Variants in MED13L observed in about 807,000 individuals in gnomAD.
MED13L encodes mediator of RNA polymerase II transcription subunit 13-like.
A neutral mutation model predicts 220.9 loss-of-function variants in MED13L; 7 were observed. That is an observed-to-expected ratio of 0.03 (90% confidence interval 0.02 to 0.06). MED13L has a LOEUF of 0.06. MED13L is among the 10% of genes least tolerant of loss of function. The pLI is 1.00. For missense variants in MED13L, 1,965 were observed against 2,760.5 expected, an observed-to-expected ratio of 0.71 and a Z score of 6.46; for synonymous variants, 1,011 against 1,015.2, an observed-to-expected ratio of 1.00 and a Z score of 0.08.
rs149985837 is a variant in MED13L at position 116,178,285 on chromosome 12, A to G, written c.310+59183T>C. The stretch of plus-strand genomic sequence containing the variant: ...TCTGATACTCAACCAAAGACTGGTA[A>G]AAGTATTTTTTATATTGAAAATTTG... On this transcript the variant is annotated intron_variant, in intron 2 of 30. Coordinates refer to ENST00000281928, the MANE Select transcript of MED13L (RefSeq NM_015335.5). Among the ~76,000 whole-genome samples the G allele has an allele frequency of 1.6e-3, 246 of 152,302 alleles. 2 individuals carry two copies. The highest frequency in any genetic ancestry group is 5.7e-3 in the African/African-American group (236 of 41,556).
At chr12:116,256,688 T>TC (rs1872085266) in intron 1 of MED13L, among the ~76,000 whole-genome samples, 1 of 144,212 alleles carries the variant, frequency 6.9e-6, no homozygotes, top group East Asian at 2.0e-4. Flanking sequence ...ACTACTTTTT[T>TC]TTTTTTTTTT....
intron 28 of MED13L, 57 bp downstream of exon 28, chr12:115,968,883 G>T: frequency 6.3e-7 from 1 of 1,593,936 alleles, no homozygotes; most frequent in Non-Finnish European, 8.6e-7. Context: ...ATGTCCAGTG[G>T]ATTATCTTCC....
At chr12:116,202,561 A>G (rs1169574529) in intron 2 of MED13L, among the ~76,000 whole-genome samples, 1 of 152,196 alleles carries the variant, frequency 6.6e-6, no homozygotes, top group African/African-American at 2.4e-5. Flanking sequence ...GAAAAAGCAC[A>G]GCCTTATTAG....
intron 4 of MED13L, among the ~76,000 whole-genome samples, chr12:116,078,158 A>G (rs1391261000): frequency 6.6e-6 from 1 of 151,658 alleles, no homozygotes; most frequent in African/African-American, 2.4e-5. Flanking sequence ...AAAAAAAAAA[A>G]AAGGAAGGAA....
At chr12:115,982,715 A>G in intron 21 of MED13L, 112 bp from the exon 22 acceptor site, 2 of 995,754 alleles carry the variant, frequency 2.0e-6, no homozygotes, top group Non-Finnish European at 3.1e-6. Flanking sequence ...ATGTTTACAG[A>G]TTAAAGGTAA....
rs79103157 is a variant in MED13L at position 116,214,891 on chromosome 12, G to A, written c.310+22577C>T. Reference sequence around the variant, plus strand: ...TGCCTCACAGACATGCACTTTCATTGGACTGATAAATTCAGGCCACCCTAT... The same window carrying A: ...TGCCTCACAGACATGCACTTTCATTAGACTGATAAATTCAGGCCACCCTAT... On this transcript the variant is annotated intron_variant, in intron 2 of 30. Coordinates refer to ENST00000281928, the MANE Select transcript of MED13L (RefSeq NM_015335.5). Among the ~76,000 whole-genome samples, 25 of 152,126 alleles carry A rather than the reference G, an allele frequency of 1.6e-4. No individual in the cohort carries two copies. The East Asian group carries it at 4.8e-3, about 29-fold the overall frequency.
At chr12:116,165,886 ATCACATGCTCTCAGGTAT>A (rs1435645817) in intron 2 of MED13L, among the ~76,000 whole-genome samples, 1 of 152,114 alleles carries the variant, frequency 6.6e-6, no homozygotes, top group African/African-American at 2.4e-5. Flanking sequence ...GCCTCATCTG[ATCACATGCTCTCAGGTAT>A]TCTCTCCACT....
At chr12:116,236,654 A>C (rs1218002023) in intron 2 of MED13L, among the ~76,000 whole-genome samples, 1 of 152,222 alleles carries the variant, frequency 6.6e-6, no homozygotes, top group Non-Finnish European at 1.5e-5. Flanking sequence ...ACCCTAACTA[A>C]AGATTAGAAT....
intron 2 of MED13L, among the ~76,000 whole-genome samples, chr12:116,197,815 G>A (rs1003710830): frequency 6.6e-6 from 1 of 151,270 alleles, no homozygotes; most frequent in Non-Finnish European, 1.5e-5. Flanking sequence ...CCAGCTGCTA[G>A]CTAAAAATCA....
chr12:115,990,744 C>T (rs1198693862), intron 17 of MED13L, among the ~76,000 whole-genome samples: 4 of 152,158 alleles, frequency 2.6e-5, no homozygotes, highest in African/African-American at 9.7e-5. Context: ...CTCTGATACT[C>T]AGCGGTCACA....
chr12:116,222,309 A>G (rs1868519832), intron 2 of MED13L, among the ~76,000 whole-genome samples: 1 of 152,228 alleles, frequency 6.6e-6, no homozygotes, highest in African/African-American at 2.4e-5. Context: ...CAGAAGTGGC[A>G]TTGTATGAAC....
At chr12:115,976,852 TCTC>T (rs1216479579) in intron 23 of MED13L, among the ~76,000 whole-genome samples, 1 of 152,280 alleles carries the variant, frequency 6.6e-6, no homozygotes, top group East Asian at 1.9e-4. Context: ...TGTCACACAT[TCTC>T]CTTTTTGTAA....
intron 2 of MED13L, among the ~76,000 whole-genome samples, chr12:116,131,522 A>G (rs1375365347): frequency 6.6e-6 from 1 of 152,140 alleles, no homozygotes; most frequent in African/African-American, 2.4e-5. Context: ...TCATCAAATA[A>G]ACTCTGCATT....
intron 1 of MED13L, among the ~76,000 whole-genome samples, chr12:116,261,948 T>A (rs994730694): frequency 6.6e-6 from 1 of 152,186 alleles, no homozygotes; most frequent in Non-Finnish European, 1.5e-5. Context: ...TGACAATCCA[T>A]ACTCCACAGG....
chr12:116,093,161 T>C (rs973754330), intron 4 of MED13L, among the ~76,000 whole-genome samples: 2 of 152,168 alleles, frequency 1.3e-5, no homozygotes, highest in African/African-American at 4.8e-5. Context: ...CACCGGTTTG[T>C]TTTAAAACAT....
At chr12:116,097,147 T>C (rs1332829104) in intron 3 of MED13L, among the ~76,000 whole-genome samples, 2 of 151,702 alleles carry the variant, frequency 1.3e-5, no homozygotes, top group Non-Finnish European at 2.9e-5. Flanking sequence ...CTAACACCCA[T>C]CTTTCAAGTT....
chr12:115,982,232 G>A (rs996412211), intron 22 of MED13L, 152 bp downstream of exon 22: 80 of 768,630 alleles, frequency 1.0e-4, no homozygotes, highest in Non-Finnish European at 1.4e-4. Context: ...TTCCAAAATC[G>A]GAAATCCAAA....
At chr12:116,020,548 T>C (rs1454725029) in intron 5 of MED13L, among the ~76,000 whole-genome samples, 2 of 152,206 alleles carry the variant, frequency 1.3e-5, no homozygotes, top group South Asian at 2.1e-4. Context: ...AAAGTTTTAA[T>C]GTACAAAAGC....
intron 23 of MED13L, among the ~76,000 whole-genome samples, chr12:115,979,293 T>G (rs1877166430): frequency 6.6e-6 from 1 of 152,226 alleles, no homozygotes; most frequent in African/African-American, 2.4e-5. Context: ...TCTTATGAGC[T>G]CCTGATGGTG....
Sources: gnomAD v4.1 joint callset for allele counts (sites outside exome capture counted in the v4.1 genomes callset) on GRCh38, gnomAD v4.1.1 for gene constraint, MANE v1.5 for transcripts, NCBI Gene and HGNC (gene_info 2026-07-23, HGNC 2026-07-21) for gene names.